The following CNTN1 variants were observed in gnomAD, a reference collection of about 807,000 sequenced individuals.
CNTN1 encodes contactin-1.
A neutral mutation model predicts 126.4 loss-of-function variants in CNTN1; 38 were observed. The observed-to-expected ratio is 0.30, with a 90% CI of 0.23 to 0.39. The LOEUF is 0.39. Among genes scored for constraint, CNTN1 ranks in the 10% least tolerant of loss-of-function variants. The probability of loss-of-function intolerance (pLI) is 1.00; values close to 1 mark genes in which losing one functional copy is unlikely to be tolerated. For synonymous variants in CNTN1, 413 were observed against 422.6 expected, an observed-to-expected ratio of 0.98 and a Z score of 0.28; for missense variants, 1,009 against 1,248.4, an observed-to-expected ratio of 0.81 and a Z score of 2.89.
chr12:40,980,892 C>T lies in CNTN1; in HGVS notation c.1805-17C>T, dbSNP rs745760993. The T allele has an allele frequency of 8.7e-6, 14 of 1,612,438 alleles. No individual in the cohort carries two copies. Among genetic ancestry groups the T allele is most frequent in the Non-Finnish European group, 1.2e-5 (14 of 1,178,778 alleles). ...TAGATGGAATTCACTGATTCATTAC[C>T]CACATTTTCATTTCAGGCCCTCCAG... On this transcript the variant is annotated splice_polypyrimidine_tract_variant and intron_variant, in intron 15 of 23. Transcript: ENST00000551295.
intron 1 of CNTN1, among the ~76,000 whole-genome samples, chr12:40,818,363 T>G (rs1941323933): frequency 6.6e-6 from 1 of 152,182 alleles, no homozygotes; most frequent in South Asian, 2.1e-4. Context: ...CTTTGTTCAT[T>G]CCTTTTCATT....
chr12:40,827,497 T>G (rs1252827017), intron 1 of CNTN1, among the ~76,000 whole-genome samples: 1 of 152,202 alleles, frequency 6.6e-6, no homozygotes, highest in Non-Finnish European at 1.5e-5. Context: ...TTAATTTTCA[T>G]TTAGCCTTGT....
rs532361206 is a variant in CNTN1 at position 40,844,892 on chromosome 12, G to A, written c.-76-63465G>A. Among the ~76,000 whole-genome samples the A allele has an allele frequency of 2.6e-5, 4 of 152,206 alleles. No homozygotes were observed. In the East Asian group the frequency reaches 7.7e-4, roughly 29 times the overall value. On this transcript the variant is annotated intron_variant, in intron 1 of 23. Coordinates refer to ENST00000551295, the MANE Select transcript of CNTN1 (RefSeq NM_001843.4). ...AGTTTGAGGGAAAATATTTTTTAATGAATTGTTTTTGCTTTGCTAAGTGAT... is the reference window on the plus strand; with the variant it reads ...AGTTTGAGGGAAAATATTTTTTAATAAATTGTTTTTGCTTTGCTAAGTGAT...
At chr12:40,891,417 T>C (rs1944234521) in intron 1 of CNTN1, among the ~76,000 whole-genome samples, 1 of 152,144 alleles carries the variant, frequency 6.6e-6, no homozygotes, top group Admixed American at 6.5e-5. Context: ...TTTATTGCTA[T>C]ATCAAAGAAG....
At chr12:40,821,374 TA>T (rs1408812124) in intron 1 of CNTN1, among the ~76,000 whole-genome samples, 2 of 152,312 alleles carry the variant, frequency 1.3e-5, no homozygotes, top group East Asian at 3.9e-4. Context: ...TTTAGTCACT[TA>T]AAAAGAAAAA....
intron 1 of CNTN1, among the ~76,000 whole-genome samples, chr12:40,700,117 T>TACAC (rs1436433454): frequency 6.6e-6 from 1 of 151,814 alleles, no homozygotes; most frequent in African/African-American, 2.4e-5. Context: ...CACACACACA[T>TACAC]ACACACACAC....
chr12:40,805,521 T>C (rs920081016), intron 1 of CNTN1, among the ~76,000 whole-genome samples: 1 of 152,106 alleles, frequency 6.6e-6, no homozygotes, highest in African/African-American at 2.4e-5. Context: ...ATTTGACTGT[T>C]ACTTAAAGTT....
At chr12:41,010,419 G>T (rs1330167924) in intron 17 of CNTN1, among the ~76,000 whole-genome samples, 3 of 152,150 alleles carry the variant, frequency 2.0e-5, no homozygotes. Context: ...GTACCTCAGG[G>T]ATCCTGGGCT....
At chr12:40,781,858 C>T (rs899808883) in intron 1 of CNTN1, among the ~76,000 whole-genome samples, 43 of 151,954 alleles carry the variant, frequency 2.8e-4, no homozygotes, top group African/African-American at 8.9e-4. Flanking sequence ...TGCATCTGAT[C>T]TCATATTTTC....
intron 23 of CNTN1, among the ~76,000 whole-genome samples, chr12:41,045,248 A>G (rs1949516243): frequency 6.6e-6 from 1 of 152,090 alleles, no homozygotes; most frequent in African/African-American, 2.4e-5. Context: ...AAACAATCAG[A>G]TTATCTTTAA....
intron 1 of CNTN1, among the ~76,000 whole-genome samples, chr12:40,715,907 A>G (rs925636201): frequency 3.3e-5 from 5 of 152,168 alleles, no homozygotes; most frequent in African/African-American, 1.2e-4. Flanking sequence ...CCATTCAGAC[A>G]TTCAGAGTTA....
At chr12:40,745,310 A>C (rs1010257687) in intron 1 of CNTN1, among the ~76,000 whole-genome samples, 1 of 152,116 alleles carries the variant, frequency 6.6e-6, no homozygotes, top group African/African-American at 2.4e-5. Context: ...TGCTGAGAAC[A>C]TGTGCCCAAG....
At chr12:41,001,086 A>G (rs1463636119) in intron 17 of CNTN1, among the ~76,000 whole-genome samples, 1 of 152,180 alleles carries the variant, frequency 6.6e-6, no homozygotes, top group African/African-American at 2.4e-5. Flanking sequence ...TAGTGCTGCA[A>G]TGAATACTCA....
At chr12:40,941,656 C>T (rs1444734530) in intron 12 of CNTN1, among the ~76,000 whole-genome samples, 2 of 151,940 alleles carry the variant, frequency 1.3e-5, no homozygotes, top group Non-Finnish European at 2.9e-5. Context: ...CAATGGATTG[C>T]TATTAGCTCT....
At chr12:41,066,848 A>C (rs772480663) in intron 23 of CNTN1, among the ~76,000 whole-genome samples, 6 of 152,222 alleles carry the variant, frequency 3.9e-5, no homozygotes, top group Non-Finnish European at 8.8e-5. Flanking sequence ...GATTTAAAAA[A>C]AAATCAAGAA....
At chr12:40,894,478 G>T (rs1377632274) in intron 1 of CNTN1, among the ~76,000 whole-genome samples, 4 of 152,138 alleles carry the variant, frequency 2.6e-5, no homozygotes, top group Non-Finnish European at 4.4e-5. Flanking sequence ...AACTATACAG[G>T]AGAGAAGGGA....
chr12:40,910,306 A>G (rs1944980338), intron 3 of CNTN1, among the ~76,000 whole-genome samples: 2 of 152,194 alleles, frequency 1.3e-5, no homozygotes, highest in South Asian at 2.1e-4. Context: ...CAAATATCCT[A>G]TTAGAGGATT....
chr12:40,793,278 A>C (rs902633937), intron 1 of CNTN1, among the ~76,000 whole-genome samples: 2 of 152,018 alleles, frequency 1.3e-5, no homozygotes, highest in African/African-American at 4.8e-5. Context: ...AACTTCAACT[A>C]TCTGGCTCTT....
intron 17 of CNTN1, among the ~76,000 whole-genome samples, chr12:41,003,620 AT>A (rs1948420179): frequency 6.6e-6 from 1 of 151,590 alleles, no homozygotes; most frequent in Non-Finnish European, 1.5e-5. Context: ...TACTAACTCA[AT>A]TTTAGAGCTC....
Sources: allele counts gnomAD v4.1 joint callset (sites outside exome capture counted in the v4.1 genomes callset), GRCh38; gene constraint gnomAD v4.1.1; transcripts MANE v1.5; gene names NCBI Gene and HGNC (gene_info 2026-07-23, HGNC 2026-07-21).